Variants in PDZRN4 observed in about 807,000 individuals in gnomAD.
The protein encoded by PDZRN4 is PDZ domain-containing RING finger protein 4.
Under a neutral mutation model 99.0 loss-of-function variants are expected in PDZRN4, and 70 were observed. The observed-to-expected ratio is 0.71, with a 90% CI of 0.58 to 0.86. The LOEUF (loss-of-function observed/expected upper bound fraction) is 0.86, where lower values mean the gene tolerates loss of function less well. PDZRN4 is among the 40% of genes least tolerant of loss of function. The probability of loss-of-function intolerance (pLI) is 0.00; values close to 1 mark genes in which losing one functional copy is unlikely to be tolerated. For missense variants in PDZRN4, 1,474 were observed against 1,331.2 expected, an observed-to-expected ratio of 1.11 and a Z score of -1.67; for synonymous variants, 551 against 501.6, an observed-to-expected ratio of 1.10 and a Z score of -1.32.
intron 3 of PDZRN4, among the ~76,000 whole-genome samples, chr12:41,271,694 A>C (rs1951315292): frequency 6.6e-6 from 1 of 152,080 alleles, no homozygotes. Flanking sequence ...CTCCACATGC[A>C]TTTGCCGTTT....
intron 3 of PDZRN4, among the ~76,000 whole-genome samples, chr12:41,308,823 T>C: frequency 6.6e-6 from 1 of 152,210 alleles, no homozygotes; most frequent in East Asian, 1.9e-4. Flanking sequence ...TGTTTGTTTT[T>C]ATACCTTACA....
At chr12:41,376,285 T>A (rs904912100) in intron 3 of PDZRN4, among the ~76,000 whole-genome samples, 1 of 152,172 alleles carries the variant, frequency 6.6e-6, no homozygotes, top group Non-Finnish European at 1.5e-5. Flanking sequence ...TATTTTTAAT[T>A]TTTTGAAAAG....
chr12:41,260,262 C>T (rs1351520928), intron 3 of PDZRN4, among the ~76,000 whole-genome samples: 1 of 151,990 alleles, frequency 6.6e-6, no homozygotes, highest in Non-Finnish European at 1.5e-5. Context: ...ATACTTCATT[C>T]ATCCTATTTT....
chr12:41,571,468 G>A (rs1044813076), intron 9 of PDZRN4, among the ~76,000 whole-genome samples: 1 of 146,132 alleles, frequency 6.8e-6, no homozygotes, highest in Non-Finnish European at 1.5e-5. Flanking sequence ...AAATTTTTTT[G>A]ATATTATGCC....
intron 6 of PDZRN4, among the ~76,000 whole-genome samples, chr12:41,553,586 C>T (rs1245380472): frequency 1.3e-5 from 2 of 151,474 alleles, no homozygotes; most frequent in Non-Finnish European, 2.9e-5. Context: ...CCTAACTACT[C>T]AGGAGGCTTT....
intron 3 of PDZRN4, among the ~76,000 whole-genome samples, chr12:41,359,082 C>T (rs1303794462): frequency 3.3e-5 from 5 of 151,924 alleles, no homozygotes; most frequent in African/African-American, 9.7e-5. Context: ...GGTGACTTAC[C>T]GCAAGTCTTT....
At chr12:41,500,872 T>A (rs1938096891) in intron 3 of PDZRN4, among the ~76,000 whole-genome samples, 1 of 152,102 alleles carries the variant, frequency 6.6e-6, no homozygotes, top group Non-Finnish European at 1.5e-5. Context: ...GCAATTTAAA[T>A]ATTGTTTCTT....
rs1950838740 is a variant in PDZRN4, at chr12:41,204,920, T to C, written c.843+10732T>C. Among the ~76,000 whole-genome samples, 2 of 151,980 alleles carry C rather than the reference T, an allele frequency of 1.3e-5. 1 individual carries two copies. Among genetic ancestry groups the C allele is most frequent in the South Asian group, 4.1e-4 (2 of 4,830 alleles). On this transcript the variant is annotated intron_variant, in intron 3 of 9. Coordinates refer to ENST00000402685, the MANE Select transcript of PDZRN4 (RefSeq NM_001164595.2). ...TTCCCTCTCCTAGAATATTGCAATT[T>C]ACTTCATATGGTTTCTTACCCACCA...
chr12:41,225,958 T>C (rs1950991450), intron 3 of PDZRN4, among the ~76,000 whole-genome samples: 1 of 152,140 alleles, frequency 6.6e-6, no homozygotes, highest in Non-Finnish European at 1.5e-5. Context: ...CTTGAATTTT[T>C]TTTTCCTGCT....
At chr12:41,217,892 A>G (rs1950931642) in intron 3 of PDZRN4, among the ~76,000 whole-genome samples, 1 of 152,054 alleles carries the variant, frequency 6.6e-6, no homozygotes, top group Non-Finnish European at 1.5e-5. Flanking sequence ...AGAAATACTG[A>G]AAAAAGATAC....
At chr12:41,382,613 A>G (rs946965935) in intron 3 of PDZRN4, among the ~76,000 whole-genome samples, 3 of 152,248 alleles carry the variant, frequency 2.0e-5, no homozygotes, top group Non-Finnish European at 4.4e-5. Context: ...CAAAGTTTAC[A>G]TATGTACTAA....
chr12:41,292,266 C>T (rs924644824), intron 3 of PDZRN4, among the ~76,000 whole-genome samples: 3 of 152,152 alleles, frequency 2.0e-5, no homozygotes, highest in Admixed American at 6.5e-5. Flanking sequence ...CATCACAAGG[C>T]TCAAAAATCT....
rs375184241 is a variant in PDZRN4, at chr12:41,266,858, A to G, written c.843+72670A>G. ...GTCTTTTATAATAATACATCAGTTA[A>G]TAGTTGATGAATAGTTCTTAAGATA... On this transcript the variant is annotated intron_variant, in intron 3 of 9. Coordinates refer to ENST00000402685, the MANE Select transcript of PDZRN4 (RefSeq NM_001164595.2). Among the ~76,000 whole-genome samples, 8 of 152,364 alleles carry G rather than the reference A, an allele frequency of 5.3e-5. No homozygotes were observed. The South Asian group carries it at 1.2e-3, about 24-fold the overall frequency.
chr12:41,534,285 C>CA (rs1938712241), intron 5 of PDZRN4, among the ~76,000 whole-genome samples: 1 of 150,290 alleles, frequency 6.7e-6, no homozygotes, highest in African/African-American at 2.5e-5. Context: ...CTCTTTTTAA[C>CA]TTTTTTTTTT....
rs145973699 is a variant in PDZRN4, at chr12:41,213,441, CTCT to C, written c.843+19259_843+19261del. On this transcript the variant is annotated intron_variant, in intron 3 of 9. Transcript: ENST00000402685. ...TTTTGGTCTAACAATAATAATGCTA[CTCT>C]TCTTCACTTTAATAAACAGTCATGA... Among the ~76,000 whole-genome samples the C allele has an allele frequency of 9.0e-4, 137 of 152,170 alleles. 3 individuals carry two copies. The East Asian group carries it at 0.025, about 28-fold the overall frequency.
At chr12:41,450,437 T>G (rs2120498895) in intron 3 of PDZRN4, among the ~76,000 whole-genome samples, 1 of 152,286 alleles carries the variant, frequency 6.6e-6, no homozygotes, top group South Asian at 2.1e-4. Flanking sequence ...TCCACAAAAC[T>G]TAGCTTTAAA....
At chr12:41,289,519 C>A (rs958220937) in intron 3 of PDZRN4, among the ~76,000 whole-genome samples, 4 of 152,150 alleles carry the variant, frequency 2.6e-5, no homozygotes, top group Admixed American at 6.6e-5. Flanking sequence ...TTAGCAGCAG[C>A]ACAACAGCTG....
At chr12:41,325,420 C>T (rs889639268) in intron 3 of PDZRN4, among the ~76,000 whole-genome samples, 1 of 152,110 alleles carries the variant, frequency 6.6e-6, no homozygotes, top group African/African-American at 2.4e-5. Flanking sequence ...TCCTCTTTAA[C>T]TGGATTATCA....
chr12:41,446,301 A>AT (rs11321884), intron 3 of PDZRN4, among the ~76,000 whole-genome samples: 17 of 142,760 alleles, frequency 1.2e-4, no homozygotes, highest in South Asian at 4.5e-4. Flanking sequence ...TGGAAATTAG[A>AT]TTTTTTTTTT....
Sources: gnomAD v4.1 joint callset for allele counts (sites outside exome capture counted in the v4.1 genomes callset) on GRCh38, gnomAD v4.1.1 for gene constraint, MANE v1.5 for transcripts, NCBI Gene and HGNC (gene_info 2026-07-23, HGNC 2026-07-21) for gene names.